The following FRMD5 variants were observed in gnomAD, a reference collection of about 807,000 sequenced individuals.
FRMD5 encodes FERM domain containing 5, also known as FERM domain-containing protein 5.
A neutral mutation model predicts 69.0 loss-of-function variants in FRMD5; 20 were observed. The ratio of observed to expected loss-of-function variants is 0.29; its 90% confidence interval spans 0.20 to 0.42. The LOEUF is 0.42. Ranked by LOEUF, FRMD5 falls within the 10% of genes least tolerant of loss-of-function variation. The pLI is 1.00. For missense variants in FRMD5, 595 were observed against 708.6 expected, an observed-to-expected ratio of 0.84 and a Z score of 1.82; for synonymous variants, 271 against 260.1, an observed-to-expected ratio of 1.04 and a Z score of -0.40.
chr15:43,984,263 T>A (rs888241268), intron 1 of FRMD5, among the ~76,000 whole-genome samples: 1 of 152,210 alleles, frequency 6.6e-6, no homozygotes, highest in Non-Finnish European at 1.5e-5. Flanking sequence ...GAATATCTTA[T>A]GCAAATAGAA....
chr15:44,142,054 C>T (rs2077281951), intron 1 of FRMD5, among the ~76,000 whole-genome samples: 1 of 152,096 alleles, frequency 6.6e-6, no homozygotes, highest in Non-Finnish European at 1.5e-5. Flanking sequence ...ATTATCCCAT[C>T]CTGCACTATG....
intron 4 of FRMD5, 123 bp from the exon 5 acceptor site, chr15:43,910,102 T>G (rs543520839): frequency 1.9e-6 from 1 of 539,406 alleles, no homozygotes; most frequent in Non-Finnish European, 3.3e-6. Flanking sequence ...AAAAAAATCC[T>G]AAAACATAAT....
rs929028724 is a variant in FRMD5 at position 43,871,516 on chromosome 15, C to G, written c.*2369G>C. 1 of 152,206 alleles carries G rather than the reference C, an allele frequency of 6.6e-6. No individual in the cohort carries two copies. The highest frequency in any genetic ancestry group is 1.9e-4 in the East Asian group (1 of 5,204). The allele number at this position is 152,206 out of a possible 1,614,324, so 9.4% of individuals were successfully genotyped here. A position where few individuals can be genotyped will look rare whatever the true frequency, so the allele number is the denominator to read the frequency against. ...TAAGACAGTAGATACCAGGTGGACACCAGCCCCCTGTCTCCTGACAGCCTT... is the reference window on the plus strand; with the variant it reads ...TAAGACAGTAGATACCAGGTGGACAGCAGCCCCCTGTCTCCTGACAGCCTT... On this transcript the variant is annotated 3_prime_UTR_variant, in exon 14 of 14. Transcript: ENST00000417257.
chr15:43,875,348 C>CAAAAAAA (rs1202161221), intron 13 of FRMD5, among the ~76,000 whole-genome samples: 58 of 46,804 alleles, frequency 1.2e-3, no homozygotes, highest in African/African-American at 5.2e-3. Flanking sequence ...AAGACTGTCT[C>CAAAAAAA]AAAAAAAAAA....
intron 1 of FRMD5, among the ~76,000 whole-genome samples, chr15:43,995,135 T>C (rs899144311): frequency 1.3e-5 from 2 of 152,228 alleles, no homozygotes; most frequent in Non-Finnish European, 2.9e-5. Flanking sequence ...TAAAACAATA[T>C]AGTATTTGCA....
At chr15:44,140,041 ATGTC>A (rs2077245680) in intron 1 of FRMD5, among the ~76,000 whole-genome samples, 1 of 152,066 alleles carries the variant, frequency 6.6e-6, no homozygotes, top group Non-Finnish European at 1.5e-5. Flanking sequence ...TATGCAATAC[ATGTC>A]TGTGTCTATG....
At position 43,872,377 on chromosome 15, in the gene FRMD5, T is replaced by C. The variant is rs1005098337; in HGVS notation, c.*1508A>G. 4 of 152,220 alleles carry C rather than the reference T, an allele frequency of 2.6e-5. No individual in the cohort carries two copies. Among genetic ancestry groups the C allele is most frequent in the Non-Finnish European group, 5.9e-5 (4 of 68,058 alleles). 9.4% of individuals were successfully genotyped at this position (152,220 alleles called of 1,614,324 possible). A position where few individuals can be genotyped will look rare whatever the true frequency, so the allele number is the denominator to read the frequency against. ...ATTAGGGTATCAGCAGCTGCTCTAC[T>C]TTTGTGTGGGTCCAGGAATATGTCC... On this transcript the variant is annotated 3_prime_UTR_variant, in exon 14 of 14. Transcript: ENST00000417257.
upstream of FRMD5, among the ~76,000 whole-genome samples, chr15:44,198,298 G>T (rs1784536779): frequency 1.4e-5 from 2 of 144,898 alleles, no homozygotes; most frequent in African/African-American, 5.1e-5. Context: ...CTGCACTCCA[G>T]CCTGGGCAAC....
At chr15:43,986,622 A>C (rs1349211406) in intron 1 of FRMD5, among the ~76,000 whole-genome samples, 3 of 152,202 alleles carry the variant, frequency 2.0e-5, no homozygotes, top group Admixed American at 2.0e-4. Context: ...CTTAGAAGGG[A>C]GTATGATGAC....
intron 4 of FRMD5, 129 bp downstream of exon 4, chr15:43,919,330 A>G (rs2089451665): frequency 2.4e-6 from 2 of 824,710 alleles, no homozygotes; most frequent in African/African-American, 1.7e-5. Flanking sequence ...AGAAGTCATT[A>G]TATTTAGGAA....
chr15:44,189,287 C>T (rs2078154533), intron 1 of FRMD5, among the ~76,000 whole-genome samples: 1 of 151,972 alleles, frequency 6.6e-6, no homozygotes, highest in Admixed American at 6.6e-5. Flanking sequence ...AATATAGGGG[C>T]CTATCTTGGT....
intron 1 of FRMD5, among the ~76,000 whole-genome samples, chr15:43,961,831 A>C (rs935651221): frequency 7.2e-5 from 11 of 152,220 alleles, no homozygotes; most frequent in Admixed American, 2.6e-4. Flanking sequence ...AGATGCAGAA[A>C]AGGCCTTTGA....
At chr15:44,098,523 CAA>C (rs10660236) in intron 1 of FRMD5, among the ~76,000 whole-genome samples, 4 of 105,290 alleles carry the variant, frequency 3.8e-5, no homozygotes, top group East Asian at 4.8e-4. Flanking sequence ...GACTCTGTCT[CAA>C]AAAAAAAAAA....
chr15:43,915,628 C>T (rs2089372864), intron 4 of FRMD5, among the ~76,000 whole-genome samples: 1 of 152,168 alleles, frequency 6.6e-6, no homozygotes, highest in Admixed American at 6.5e-5. Flanking sequence ...TTTGCCTTGT[C>T]TCTAGCCTAG....
chr15:43,933,311 A>G (rs998958006), intron 1 of FRMD5, among the ~76,000 whole-genome samples: 6 of 152,208 alleles, frequency 3.9e-5, no homozygotes, highest in African/African-American at 1.4e-4. Context: ...TCCTTAATAA[A>G]CAGCAAATTA....
intron 1 of FRMD5, among the ~76,000 whole-genome samples, chr15:44,144,279 G>A (rs1566969323): frequency 6.6e-6 from 1 of 152,054 alleles, no homozygotes; most frequent in Non-Finnish European, 1.5e-5. Context: ...TTCAGTTAAA[G>A]GCTCATCCGG....
Position 43,888,220 on chromosome 15 carries a change from C to T in FRMD5, c.839G>A (p.Cys280Tyr). Residue 280 changes from cysteine (C) to tyrosine (Y), a missense_variant, in exon 10 of 14, where the codon TGT (cysteine) becomes TAT (tyrosine). Transcript: ENST00000417257. ...GATTCCACATTTCCAGAGGTGCTTA[C>T]ACGCTTCAGGAGTTGGAGCAAAATA... Reference protein sequence around the residue: ...LTYFAPTPEACKHLWKCGIEN... With the variant: ...LTYFAPTPEAYKHLWKCGIEN... 3 of 1,614,150 alleles carry T rather than the reference C, an allele frequency of 1.9e-6. No homozygotes were observed. The highest frequency in any genetic ancestry group is 2.5e-6 in the Non-Finnish European group (3 of 1,179,968).
chr15:44,131,129 A>G (rs1282070880), intron 1 of FRMD5, among the ~76,000 whole-genome samples: 1 of 152,232 alleles, frequency 6.6e-6, no homozygotes, highest in Non-Finnish European at 1.5e-5. Flanking sequence ...TCAAATGAGT[A>G]TCAAAAAAGT....
rs1307844555 is a variant in FRMD5 at position 43,874,481 on chromosome 15, C to T, written c.1136-19G>A. 3 of 1,594,164 alleles carry T rather than the reference C, an allele frequency of 1.9e-6. No homozygotes were observed. Among genetic ancestry groups the T allele is most frequent in the Non-Finnish European group, 2.6e-6 (3 of 1,162,322 alleles). On this transcript the variant is annotated intron_variant, in intron 13 of 13. Coordinates refer to ENST00000417257, the MANE Select transcript of FRMD5 (RefSeq NM_032892.5). The stretch of plus-strand genomic sequence containing the variant: ...TCTAGGCCTAGAAAGGCAAAAGGAA[C>T]ATGAGTAGGCTGTGTCCCAATGCAC...
Sources: gnomAD v4.1 joint callset for allele counts (sites outside exome capture counted in the v4.1 genomes callset) on GRCh38, gnomAD v4.1.1 for gene constraint, MANE v1.5 for transcripts, NCBI Gene and HGNC (gene_info 2026-07-23, HGNC 2026-07-21) for gene names.